MAP3K12: variants seen among roughly 807,000 people sequenced by gnomAD.
MAP3K12 encodes the protein mitogen-activated protein kinase kinase kinase 12, also known as MAPK-upstream kinase.
MAP3K12 carries 14 observed loss-of-function variants against 87.5 expected under a neutral mutation model. That is an observed-to-expected ratio of 0.16 (90% CI 0.11 to 0.25). The LOEUF is 0.25. Ranked by LOEUF, MAP3K12 falls within the 10% of genes least tolerant of loss-of-function variation. MAP3K12 has a pLI of 1.00. For synonymous variants in MAP3K12, 469 were observed against 452.5 expected (o/e 1.04, Z -0.46); for missense variants, 802 against 1,140.4 (o/e 0.70, Z 4.27).
At position 53,491,301 on chromosome 12, in the gene MAP3K12, A is replaced by AAAAAAAAAAAAAAAAG. The variant is rs796169121; in HGVS notation, c.-37-3874_-37-3873insCTTTTTTTTTTTTTTT. ...AGACTCTGTCTCAAAAAAAAAAAAA[A>AAAAAAAAAAAAAAAAG]AAAAGAAAAGAAAAGAAAAACAGGC... On this transcript the variant is annotated intron_variant, in intron 1 of 13. Coordinates refer to ENST00000547488, the MANE Select transcript of MAP3K12 (RefSeq NM_001193511.2). Among the ~76,000 whole-genome samples the AAAAAAAAAAAAAAAAG allele has an allele frequency of 4.7e-4, 48 of 101,588 alleles. 3 individuals carry two copies. Among genetic ancestry groups the AAAAAAAAAAAAAAAAG allele is most frequent in the African/African-American group, 1.0e-3 (27 of 26,622 alleles). The allele number at this position is 101,588 out of a possible 152,430, so 66.6% of individuals were successfully genotyped here.
In MAP3K12 at chr12:53,479,972, TG is replaced by T. The variant is rs1942950056; in HGVS notation, c.*1209del. The T allele has an allele frequency of 6.6e-6, 1 of 152,244 alleles. No individual in the cohort carries two copies. Among genetic ancestry groups the T allele is most frequent in the African/African-American group, 2.4e-5 (1 of 41,426 alleles). The allele number at this position is 152,244 out of a possible 1,614,324, so 9.4% of individuals were successfully genotyped here. ...CTATTTTACCACTTCCATCTTTTTT[TG>T]TGGCCCTCGATCCTATTTTTCCCTG... On this transcript the variant is annotated 3_prime_UTR_variant, in exon 14 of 14. Coordinates refer to ENST00000547488, the MANE Select transcript of MAP3K12 (RefSeq NM_001193511.2).
intron 1 of MAP3K12, chr12:53,493,740 TGAC>T (rs1263033431): frequency 6.6e-6 from 1 of 152,196 alleles, no homozygotes; most frequent in African/African-American, 2.4e-5. Context: ...TCTGGTTGTT[TGAC>T]GACTAGGTGG....
At chr12:53,486,000 C>A (rs1161022252) in intron 4 of MAP3K12, 56 bp downstream of exon 4, 2 of 1,524,114 alleles carry the variant, frequency 1.3e-6, no homozygotes, top group African/African-American at 2.7e-5. Context: ...GAAGGCCACA[C>A]TGACTTGAGT....
intron 4 of MAP3K12, chr12:53,485,721 A>G: frequency 1.9e-6 from 1 of 522,720 alleles, no homozygotes; most frequent in Non-Finnish European, 3.4e-6. Flanking sequence ...ACGCCTGACT[A>G]ATTTTTTTGT....
rs1383239061 is a variant in MAP3K12 at position 53,489,138 on chromosome 12, T to A, written c.-37-1710A>T. On this transcript the variant is annotated intron_variant, in intron 1 of 13. Transcript: ENST00000547488. ...GCCTGGGCAACATGGCAAAACCCTGTCTCTACCAAAAATAGAAACAAACAA... is the reference window on the plus strand; with the variant it reads ...GCCTGGGCAACATGGCAAAACCCTGACTCTACCAAAAATAGAAACAAACAA... Among the ~76,000 whole-genome samples, 10 of 149,846 alleles carry A rather than the reference T, an allele frequency of 6.7e-5. 1 individual carries two copies. The highest frequency in any genetic ancestry group is 2.0e-4 in the Admixed American group (3 of 15,086).
intron 1 of MAP3K12, among the ~76,000 whole-genome samples, chr12:53,494,497 C>A (rs1399208797): frequency 6.6e-6 from 1 of 152,166 alleles, no homozygotes; most frequent in African/African-American, 2.4e-5. Context: ...TCTATCCCAC[C>A]TTCTAGGTTC....
chr12:53,484,713 G>A, intron 6 of MAP3K12: 2 of 448,166 alleles, frequency 4.5e-6, no homozygotes, highest in Non-Finnish European at 8.0e-6. Flanking sequence ...GAGGGTCTGG[G>A]GTCCTTTCCT....
In MAP3K12 at chr12:53,481,300, T is replaced by C. The variant is rs752792875; in HGVS notation, c.2581-20A>G. On this transcript the variant is annotated intron_variant, in intron 13 of 13. Coordinates refer to ENST00000547488, the MANE Select transcript of MAP3K12 (RefSeq NM_001193511.2). ...AGGGCCCTGTGAGAAAGAGTAGAAA[T>C]GGAGTGAGATTCCTTGGGGTTCTTT... 4 of 1,425,062 alleles carry C rather than the reference T, an allele frequency of 2.8e-6. No individual in the cohort carries two copies. The highest frequency in any genetic ancestry group is 3.8e-6 in the Non-Finnish European group (4 of 1,059,070). 88.3% of individuals were successfully genotyped at this position (1,425,062 alleles called of 1,614,324 possible). A position where few individuals can be genotyped will look rare whatever the true frequency, so the allele number is the denominator to read the frequency against.
rs1943240533 is a variant in MAP3K12 at position 53,486,874 on chromosome 12, C to G, written c.445+73G>C. ...GGGGAGGGAAGGGACCATTGCGTGACTTTAGCGGAGCTGACCAACAGATCT... is the reference window on the plus strand; with the variant it reads ...GGGGAGGGAAGGGACCATTGCGTGAGTTTAGCGGAGCTGACCAACAGATCT... On this transcript the variant is annotated intron_variant, in intron 2 of 13. Coordinates refer to ENST00000547488, the MANE Select transcript of MAP3K12 (RefSeq NM_001193511.2). The surrounding 1 kb of genome is among the most constrained non-coding windows in gnomAD (Gnocchi z 4.9). 6.3e-7 allele frequency: 1 copy of G among 1,582,582 alleles called. No individual in the cohort carries two copies. The highest frequency in any genetic ancestry group is 2.2e-5 in the East Asian group (1 of 44,546).
At chr12:53,485,003 A>G (rs1943191242) in intron 6 of MAP3K12, 53 bp downstream of exon 6, 2 of 1,608,228 alleles carry the variant, frequency 1.2e-6, no homozygotes. Context: ...GCCCAGTACT[A>G]CCGTGCTTCT....
Position 53,496,131 on chromosome 12 carries a change from G to A in MAP3K12, c.-38+3296C>T, listed in dbSNP as rs903727722. Among the ~76,000 whole-genome samples the A allele has an allele frequency of 2.0e-5, 3 of 152,112 alleles. No individual in the cohort carries two copies. In the East Asian group the frequency reaches 5.8e-4, roughly 29 times the overall value. On this transcript the variant is annotated intron_variant, in intron 1 of 13. Coordinates refer to ENST00000547488, the MANE Select transcript of MAP3K12 (RefSeq NM_001193511.2). ...CCTCCTTGCTTTGTCTTCCTGGTTGGCTGGACACCAGGTCTTTGTGGATCC... is the reference window on the plus strand; with the variant it reads ...CCTCCTTGCTTTGTCTTCCTGGTTGACTGGACACCAGGTCTTTGTGGATCC...
rs764622367 is a variant in MAP3K12, at chr12:53,483,739, A to G, written c.1359-16T>C. ...CAGGGCGTGTCTGCAACGGGCAGAA[A>G]GGTTCCCCAAGGTGAACTGGGTTCA... On this transcript the variant is annotated splice_polypyrimidine_tract_variant and intron_variant, in intron 8 of 13. Coordinates refer to ENST00000547488, the MANE Select transcript of MAP3K12 (RefSeq NM_001193511.2). 10 of 1,613,578 alleles carry G rather than the reference A, an allele frequency of 6.2e-6. No homozygotes were observed. The highest frequency in any genetic ancestry group is 8.5e-6 in the Non-Finnish European group (10 of 1,179,992).
In MAP3K12 at chr12:53,480,608, C is replaced by G. The variant is rs757277705; in HGVS notation, c.*574G>C. The stretch of plus-strand genomic sequence containing the variant: ...GGACTTAAACAGCACCCCGGTTCTT[C>G]AGCCTGAGCCATCACATGCTATCAG... On this transcript the variant is annotated 3_prime_UTR_variant, in exon 14 of 14. Transcript: ENST00000547488. 6.6e-6 allele frequency: 1 copy of G among 152,646 alleles called. No homozygotes were observed. 9.5% of individuals were successfully genotyped at this position (152,646 alleles called of 1,614,324 possible).
At position 53,482,763 on chromosome 12, in the gene MAP3K12, G is replaced by A. The variant is rs186201058; in HGVS notation, c.2040C>T (p.Gly680=). 3 of 1,613,916 alleles carry A rather than the reference G, an allele frequency of 1.9e-6. No homozygotes were observed. Among genetic ancestry groups the A allele is most frequent in the East Asian group, 4.5e-5 (2 of 44,884 alleles). The change falls in exon 11 of 14, where the codon GGC becomes GGT. Residue 680 remains glycine, a synonymous_variant. Coordinates refer to ENST00000547488, the MANE Select transcript of MAP3K12 (RefSeq NM_001193511.2). The part of the protein sequence containing the change: ...PARGDTPPSE[G]SAPGSTSPDS... ...CTGGGCTGGTGGAGCCAGGGGCTGAGCCCTCACTTGGTGGGGTGTCACCCC... is the reference window on the plus strand; with the variant it reads ...CTGGGCTGGTGGAGCCAGGGGCTGAACCCTCACTTGGTGGGGTGTCACCCC...
At chr12:53,498,979 TGTGTGTGTGTGTGTGTGTGTGTGTGG>T (rs1342822498) in intron 1 of MAP3K12, among the ~76,000 whole-genome samples, 7 of 58,276 alleles carry the variant, frequency 1.2e-4, no homozygotes, top group Admixed American at 4.5e-4. Context: ...TGTGTGTGTG[TGTGTGTGTGTGTGTGTGTGTGTGTGG>T]AGATGGTGGG....
In MAP3K12 at chr12:53,480,257, T is replaced by C. The variant is rs1313480001; in HGVS notation, c.*925A>G. On this transcript the variant is annotated 3_prime_UTR_variant, in exon 14 of 14. Coordinates refer to ENST00000547488, the MANE Select transcript of MAP3K12 (RefSeq NM_001193511.2). ...ACTAAAAATTTCAGTCTATTGTTTT[T>C]AGTAACTTCATTTATAGTCCTCCAT... 6.6e-6 allele frequency: 1 copy of C among 152,238 alleles called. No homozygotes were observed. Among genetic ancestry groups the C allele is most frequent in the Non-Finnish European group, 1.5e-5 (1 of 68,040 alleles). The allele number at this position is 152,238 out of a possible 1,614,324, so 9.4% of individuals were successfully genotyped here.
chr12:53,500,102 C>T (rs1221951053), upstream of MAP3K12: 2 of 152,232 alleles, frequency 1.3e-5, no homozygotes, highest in African/African-American at 4.8e-5. Flanking sequence ...TTTCAAGATT[C>T]CTCTGGACCT....
rs1565887301 is a variant in MAP3K12 at position 53,486,630 on chromosome 12, C to CAGG, written c.446-11_446-9dup. Reference sequence around the variant, plus strand: ...AGGGGACCTCCCAAAGGTCTGTGGGCAGGAGGCACAGTGCCACAAGCCTCA... The same window carrying CAGG: ...AGGGGACCTCCCAAAGGTCTGTGGGCAGGAGGAGGCACAGTGCCACAAGCCTCA... On this transcript the variant is annotated splice_polypyrimidine_tract_variant and intron_variant, in intron 2 of 13. Coordinates refer to ENST00000547488, the MANE Select transcript of MAP3K12 (RefSeq NM_001193511.2). This position sits in a 1 kb window ranked among gnomAD's most constrained non-coding sequence, Gnocchi z 4.9. 6.4e-7 allele frequency: 1 copy of CAGG among 1,570,868 alleles called. No individual in the cohort carries two copies. The highest frequency in any genetic ancestry group is 8.6e-7 in the Non-Finnish European group (1 of 1,159,066).
chr12:53,482,756 G>C lies in MAP3K12; in HGVS notation c.2047C>G (p.Pro683Ala). 1 of 1,613,984 alleles carries C rather than the reference G, an allele frequency of 6.2e-7. No individual in the cohort carries two copies. Among genetic ancestry groups the C allele is most frequent in the Non-Finnish European group, 8.5e-7 (1 of 1,179,964 alleles). ...GDTPPSEGSA[P>A]GSTSPDSPGG... is the part of the protein sequence containing the mutation. ...GGTGAATCTGGGCTGGTGGAGCCAG[G>C]GGCTGAGCCCTCACTTGGTGGGGTG... The change falls in exon 11 of 14, where the codon CCT becomes GCT. Residue 683 changes from proline (P) to alanine (A), a missense_variant. Physicochemically the swap from Pro to Ala is conservative, Grantham distance 27. Coordinates refer to ENST00000547488, the MANE Select transcript of MAP3K12 (RefSeq NM_001193511.2).
Sources: allele counts gnomAD v4.1 joint callset (sites outside exome capture counted in the v4.1 genomes callset), GRCh38; gene constraint gnomAD v4.1.1; non-coding constraint Gnocchi (gnomAD v3.1); transcripts MANE v1.5; gene names NCBI Gene and HGNC (gene_info 2026-07-23, HGNC 2026-07-21).